IQCJ: variants seen among roughly 807,000 people sequenced by gnomAD.
IQCJ encodes IQ domain-containing protein J.
IQCJ carries 9 observed loss-of-function variants against 11.0 expected under a neutral mutation model. That is an observed-to-expected ratio of 0.82 (90% CI 0.49 to 1.43). The LOEUF (loss-of-function observed/expected upper bound fraction) is 1.43, where lower values mean the gene tolerates loss of function less well. Among genes scored for constraint, IQCJ ranks in the 40% most tolerant of loss-of-function variants. The pLI, the probability that IQCJ is intolerant of heterozygous loss-of-function variation, is 0.00. For missense variants in IQCJ, 146 were observed against 133.2 expected, an observed-to-expected ratio of 1.10 and a Z score of -0.47; for synonymous variants, 55 against 51.3, an observed-to-expected ratio of 1.07 and a Z score of -0.31.
At chr3:159,203,576 A>G (rs979694198) in intron 1 of IQCJ, among the ~76,000 whole-genome samples, 1 of 152,056 alleles carries the variant, frequency 6.6e-6, no homozygotes, top group Non-Finnish European at 1.5e-5. Context: ...GTAGCCTCAT[A>G]GTCTCCACAA....
chr3:159,257,430 T>C (rs1318788588), intron 3 of IQCJ, among the ~76,000 whole-genome samples: 1 of 152,206 alleles, frequency 6.6e-6, no homozygotes, highest in Non-Finnish European at 1.5e-5. Flanking sequence ...ATTGACATTC[T>C]TGACAGTCTG....
At position 159,090,457 on chromosome 3, in the gene IQCJ, T is replaced by G. The variant is rs116713876; in HGVS notation, c.9+21016T>G. Reference sequence around the variant, plus strand: ...TCACATAAGTTCTGTTTGTACAAGATTGTTGGATGCTGGGTCAGTTCTGAG... The same window carrying G: ...TCACATAAGTTCTGTTTGTACAAGAGTGTTGGATGCTGGGTCAGTTCTGAG... On this transcript the variant is annotated intron_variant, in intron 1 of 3. Coordinates refer to ENST00000397832, the MANE Select transcript of IQCJ (RefSeq NM_001042706.3). Among the ~76,000 whole-genome samples, 1,453 of 151,866 alleles carry G rather than the reference T, an allele frequency of 9.6e-3. 61 individuals carry two copies. The highest frequency in any genetic ancestry group is 0.034 in the African/African-American group (1,380 of 41,192).
intron 1 of IQCJ, among the ~76,000 whole-genome samples, chr3:159,143,465 A>G (rs1012682635): frequency 6.6e-6 from 1 of 151,916 alleles, no homozygotes; most frequent in African/African-American, 2.4e-5. Context: ...TCTTTTCTTC[A>G]TGGTCACATA....
At chr3:159,163,072 A>G (rs559358778) in intron 1 of IQCJ, among the ~76,000 whole-genome samples, 2 of 152,250 alleles carry the variant, frequency 1.3e-5, no homozygotes, top group Admixed American at 6.5e-5. Context: ...AACTCATTTT[A>G]TGAGGCCAGC....
intron 2 of IQCJ, among the ~76,000 whole-genome samples, chr3:159,249,107 T>G (rs1486768869): frequency 6.6e-6 from 1 of 152,106 alleles, no homozygotes; most frequent in Non-Finnish European, 1.5e-5. Context: ...CCACCCGCCT[T>G]GGCCTCCCAA....
chr3:159,197,648 C>T (rs958534342), intron 1 of IQCJ, among the ~76,000 whole-genome samples: 2 of 152,026 alleles, frequency 1.3e-5, no homozygotes, highest in African/African-American at 4.8e-5. Flanking sequence ...ATCATAGGAT[C>T]CAGAACAAAG....
chr3:159,124,940 G>T (rs551828732), intron 1 of IQCJ, among the ~76,000 whole-genome samples: 1 of 152,204 alleles, frequency 6.6e-6, no homozygotes, highest in African/African-American at 2.4e-5. Context: ...CAACATACTC[G>T]CAAGGTACAT....
rs535342987 is a variant in IQCJ, at chr3:159,075,436, T to C, written c.9+5995T>C. Among the ~76,000 whole-genome samples the C allele has an allele frequency of 3.9e-5, 6 of 152,188 alleles. 1 individual carries two copies. In the East Asian group the frequency reaches 1.2e-3, roughly 29 times the overall value. On this transcript the variant is annotated intron_variant, in intron 1 of 3. Coordinates refer to ENST00000397832, the MANE Select transcript of IQCJ (RefSeq NM_001042706.3). ...CTAACAAGCTGTGACAATCAAAAGA[T>C]AAGCTGGTAACATATTGTTTGTTTT...
intron 1 of IQCJ, among the ~76,000 whole-genome samples, chr3:159,090,993 C>T: frequency 6.6e-6 from 1 of 151,770 alleles, no homozygotes; most frequent in East Asian, 1.9e-4. Context: ...AACTAAATCC[C>T]TAAATTATAG....
chr3:159,078,345 A>G (rs1365883185), intron 1 of IQCJ, among the ~76,000 whole-genome samples: 2 of 152,096 alleles, frequency 1.3e-5, no homozygotes, highest in Non-Finnish European at 2.9e-5. Context: ...ATGAGGAGTA[A>G]TCAAGGTTCC....
intron 1 of IQCJ, among the ~76,000 whole-genome samples, chr3:159,175,872 T>C (rs192468975): frequency 2.6e-5 from 4 of 152,320 alleles, no homozygotes; most frequent in Admixed American, 2.6e-4. Context: ...ATTTAGTGTA[T>C]CAGAAACTGA....
chr3:159,161,581 T>C (rs1481685907), intron 1 of IQCJ, among the ~76,000 whole-genome samples: 2 of 152,210 alleles, frequency 1.3e-5, no homozygotes, highest in South Asian at 2.1e-4. Context: ...TTGCTTTTGG[T>C]GTTTTAGACA....
At chr3:159,086,109 G>A (rs1186918841) in intron 1 of IQCJ, among the ~76,000 whole-genome samples, 2 of 152,146 alleles carry the variant, frequency 1.3e-5, no homozygotes, top group East Asian at 1.9e-4. Flanking sequence ...TGTAAAGAAG[G>A]GATCCAGTTT....
intron 1 of IQCJ, among the ~76,000 whole-genome samples, chr3:159,189,876 G>T (rs1270071934): frequency 1.3e-5 from 2 of 152,136 alleles, no homozygotes; most frequent in Non-Finnish European, 2.9e-5. Context: ...TCCCCTCATT[G>T]CTGAATTCTG....
intron 1 of IQCJ, among the ~76,000 whole-genome samples, chr3:159,081,477 A>G (rs1716307031): frequency 6.6e-6 from 1 of 152,012 alleles, no homozygotes; most frequent in Non-Finnish European, 1.5e-5. Flanking sequence ...AGATTTTGAG[A>G]TTTCTTTTTG....
intron 1 of IQCJ, among the ~76,000 whole-genome samples, chr3:159,082,793 A>G (rs1322062335): frequency 2.0e-5 from 3 of 152,130 alleles, no homozygotes; most frequent in Non-Finnish European, 4.4e-5. Context: ...ATTCTGGGAC[A>G]GATAGAGACA....
chr3:159,243,013 G>A (rs1315709232), intron 1 of IQCJ, among the ~76,000 whole-genome samples: 2 of 152,104 alleles, frequency 1.3e-5, no homozygotes, highest in South Asian at 4.1e-4. Context: ...AACATTATTA[G>A]TTATCAGAGA....
chr3:159,072,558 T>G (rs1055715660), intron 1 of IQCJ, among the ~76,000 whole-genome samples: 5 of 152,124 alleles, frequency 3.3e-5, no homozygotes, highest in African/African-American at 1.2e-4. Context: ...TGTGGAAAAT[T>G]ATTTGATTAA....
intron 1 of IQCJ, chr3:159,069,749 A>G (rs1458671116): frequency 9.0e-6 from 5 of 555,862 alleles, no homozygotes; most frequent in Middle Eastern, 2.8e-4. Context: ...ATCTGTAAAT[A>G]TCTTACACAA....
Sources: gnomAD v4.1 joint callset for allele counts (sites outside exome capture counted in the v4.1 genomes callset) on GRCh38, gnomAD v4.1.1 for gene constraint, MANE v1.5 for transcripts, NCBI Gene and HGNC (gene_info 2026-07-23, HGNC 2026-07-21) for gene names.